The following PJA2 variants were observed in gnomAD, a reference collection of about 807,000 sequenced individuals.
PJA2 encodes the protein E3 ubiquitin-protein ligase Praja-2.
A neutral mutation model predicts 69.3 loss-of-function variants in PJA2; 25 were observed. The observed-to-expected ratio is 0.36, with a 90% CI of 0.26 to 0.50. PJA2 has a LOEUF of 0.50. PJA2 is among the 20% of genes least tolerant of loss of function. The pLI, the probability that PJA2 is intolerant of heterozygous loss-of-function variation, is 0.96. For missense variants in PJA2, 809 were observed against 830.2 expected (o/e 0.97, Z 0.31); for synonymous variants, 308 against 277.8 (o/e 1.11, Z -1.08).
intron 1 of PJA2, among the ~76,000 whole-genome samples, chr5:109,404,292 A>C (rs892093272): frequency 6.6e-6 from 1 of 151,776 alleles, no homozygotes; most frequent in African/African-American, 2.4e-5. Flanking sequence ...AGGCCAAGGC[A>C]GGTGGATTAC....
chr5:109,339,019 T>C (rs1761994950), intron 9 of PJA2, among the ~76,000 whole-genome samples: 1 of 152,214 alleles, frequency 6.6e-6, no homozygotes, highest in Admixed American at 6.5e-5. Flanking sequence ...TATCATCTAA[T>C]CTTACAGATG....
intron 1 of PJA2, among the ~76,000 whole-genome samples, chr5:109,392,560 C>CAAA (rs11365525): frequency 0.031 from 3,447 of 109,950 alleles, 97 homozygotes; most frequent in Non-Finnish European, 0.045. Context: ...GACTCCATCT[C>CAAA]AAAAAAAAAA....
chr5:109,388,612 C>T (rs1423585331), intron 1 of PJA2, among the ~76,000 whole-genome samples: 4 of 152,150 alleles, frequency 2.6e-5, no homozygotes, highest in Admixed American at 2.6e-4. Context: ...CGTGGATCTA[C>T]ACCCTTATGA....
intron 4 of PJA2, among the ~76,000 whole-genome samples, chr5:109,377,336 AT>A (rs1746915607): frequency 6.6e-6 from 1 of 152,166 alleles, no homozygotes; most frequent in African/African-American, 2.4e-5. Flanking sequence ...TTGCACTGTA[AT>A]TGAGCACTGT....
intron 1 of PJA2, among the ~76,000 whole-genome samples, chr5:109,394,967 C>T (rs927651929): frequency 3.9e-5 from 6 of 152,164 alleles, no homozygotes; most frequent in Non-Finnish European, 8.8e-5. Flanking sequence ...AAAGCCACAA[C>T]TCAACCTCAT....
intron 7 of PJA2, among the ~76,000 whole-genome samples, chr5:109,352,147 A>G (rs576019760): frequency 1.3e-4 from 20 of 152,290 alleles, no homozygotes; most frequent in African/African-American, 4.3e-4. Context: ...CACTATTGGT[A>G]GAAGCCAACA....
chr5:109,368,291 T>C (rs545098160), intron 5 of PJA2, among the ~76,000 whole-genome samples: 2 of 152,324 alleles, frequency 1.3e-5, no homozygotes, highest in South Asian at 4.1e-4. Flanking sequence ...CATTCCTAAC[T>C]TAACCAAAAT....
At chr5:109,374,704 G>T (rs961388121) in intron 4 of PJA2, among the ~76,000 whole-genome samples, 1 of 152,114 alleles carries the variant, frequency 6.6e-6, no homozygotes, top group Non-Finnish European at 1.5e-5. Flanking sequence ...CTTAAGTAAG[G>T]TTTTTAAATT....
At position 109,356,073 on chromosome 5, in the gene PJA2, G is replaced by A. The variant is rs768521084; in HGVS notation, c.1653-47C>T. The A allele has an allele frequency of 3.3e-5, 43 of 1,292,774 alleles. No homozygotes were observed. In the South Asian group the frequency reaches 5.2e-4, roughly 15 times the overall value. The allele number at this position is 1,292,774 out of a possible 1,614,324, so 80.1% of individuals were successfully genotyped here. A position where few individuals can be genotyped will look rare whatever the true frequency, so the allele number is the denominator to read the frequency against. Reference sequence around the variant, plus strand: ...AGAAAAAACTCACCACTATGATTTGGGAAATCTTATGCTGAGGACATAATT... The same window carrying A: ...AGAAAAAACTCACCACTATGATTTGAGAAATCTTATGCTGAGGACATAATT... On this transcript the variant is annotated intron_variant, in intron 6 of 9. Transcript: ENST00000361189.
chr5:109,365,380 A>C (rs1026132387), intron 5 of PJA2, among the ~76,000 whole-genome samples: 1 of 152,230 alleles, frequency 6.6e-6, no homozygotes, highest in African/African-American at 2.4e-5. Flanking sequence ...ATCTATAAAC[A>C]AAACAAATAA....
chr5:109,341,992 G>A (rs1762073796), intron 9 of PJA2, among the ~76,000 whole-genome samples: 1 of 135,604 alleles, frequency 7.4e-6, no homozygotes, highest in Non-Finnish European at 1.6e-5. Context: ...CCCCGTCCGG[G>A]AGGGAGGTGG....
At chr5:109,403,493 G>GA (rs1479907585) in intron 1 of PJA2, among the ~76,000 whole-genome samples, 1 of 149,478 alleles carries the variant, frequency 6.7e-6, no homozygotes, top group Non-Finnish European at 1.5e-5. Context: ...AAAAATATAA[G>GA]AAACACTTTG....
Position 109,362,870 on chromosome 5 carries a change from C to A in PJA2, c.1622G>T (p.Ser541Ile), listed in dbSNP as rs1253892296. 2 of 1,612,338 alleles carry A rather than the reference C, an allele frequency of 1.2e-6. No homozygotes were observed. Among genetic ancestry groups the A allele is most frequent in the Non-Finnish European group, 1.7e-6 (2 of 1,178,916 alleles). ...ATCCACATCTAAGTCTTCACTCACA[C>A]TGGAGTCATCCTCCAGGTTATTGTT... is the stretch of plus-strand genomic sequence containing the variant. ...DGNNNLEDDSSVSEDLDVDWS... is the reference protein window; with the variant it reads ...DGNNNLEDDSIVSEDLDVDWS... Residue 541 changes from serine to isoleucine, a missense_variant, in exon 6 of 10, where the codon AGT becomes ATT. Ser to Ile is a moderately radical substitution (Grantham distance 142, BLOSUM62 -2). This residue lies in a region of PJA2 where 700 missense variants were observed against 639.5 expected (regional missense o/e 1.09). Coordinates refer to ENST00000361189, the MANE Select transcript of PJA2 (RefSeq NM_014819.5).
intron 7 of PJA2, among the ~76,000 whole-genome samples, chr5:109,353,741 T>TAG (rs1449328841): frequency 9.8e-6 from 1 of 102,294 alleles, no homozygotes; most frequent in Non-Finnish European, 1.9e-5. Flanking sequence ...TCTAGATATC[T>TAG]AGATTAGATA....
intron 1 of PJA2, among the ~76,000 whole-genome samples, chr5:109,394,856 A>T (rs919626588): frequency 1.3e-5 from 2 of 151,932 alleles, no homozygotes; most frequent in Non-Finnish European, 2.9e-5. Flanking sequence ...GCAGATAAAA[A>T]TTTTTTTTTA....
chr5:109,344,872 GA>G (rs1372609649), intron 7 of PJA2, 53 bp from the exon 8 acceptor site: 2 of 1,208,600 alleles, frequency 1.7e-6, no homozygotes, highest in East Asian at 2.4e-5. Context: ...AACAGTAACA[GA>G]AAACTATTTT....
At chr5:109,340,691 C>T (rs1293345745) in intron 9 of PJA2, among the ~76,000 whole-genome samples, 1 of 56,292 alleles carries the variant, frequency 1.8e-5, no homozygotes, top group East Asian at 3.4e-4. Context: ...CGGTCTCCCT[C>T]TCATGCGGAG....
At chr5:109,340,667 C>G (rs1356162480) in intron 9 of PJA2, among the ~76,000 whole-genome samples, 1 of 7,142 alleles carries the variant, frequency 1.4e-4, no homozygotes, top group Non-Finnish European at 2.9e-4. Context: ...TCCCCCTCCC[C>G]CTCCCTCTCC....
chr5:109,378,086 G>A, intron 4 of PJA2, 118 bp downstream of exon 4: 2 of 686,206 alleles, frequency 2.9e-6, no homozygotes, highest in Non-Finnish European at 4.8e-6. Context: ...AAAATATTTG[G>A]TAAGTCAAAA....
Sources: gnomAD v4.1 joint callset for allele counts (sites outside exome capture counted in the v4.1 genomes callset) on GRCh38, gnomAD v4.1.1 for gene constraint, gnomAD v4.1.1 regional missense constraint, MANE v1.5 for transcripts, NCBI Gene and HGNC (gene_info 2026-07-23, HGNC 2026-07-21) for gene names.